The following PSD3 variants were observed in gnomAD, a reference collection of about 807,000 sequenced individuals.
PSD3 encodes the protein PH and SEC7 domain-containing protein 3.
A neutral mutation model predicts 105.5 loss-of-function variants in PSD3; 49 were observed. The observed-to-expected ratio is 0.46, with a 90% CI of 0.37 to 0.59. The LOEUF (loss-of-function observed/expected upper bound fraction) is 0.59. Ranked by LOEUF, PSD3 falls within the 20% of genes least tolerant of loss-of-function variation. PSD3 has a pLI of 0.00. For missense variants in PSD3, 1,561 were observed against 1,263.8 expected (o/e 1.24, Z -3.57); for synonymous variants, 557 against 457.8 (o/e 1.22, Z -2.77).
rs1282481663 is a variant in PSD3, at chr8:18,913,082, CACAA to C, written c.130+22948_130+22951del. Among the ~76,000 whole-genome samples the C allele has an allele frequency of 4.7e-3, 564 of 120,012 alleles. 1 individual carries two copies. Among genetic ancestry groups the C allele is most frequent in the African/African-American group, 0.017 (517 of 31,200 alleles). 78.7% of individuals were successfully genotyped at this position (120,012 alleles called of 152,430 possible). Reference sequence around the variant, plus strand: ...ACAACTTTATAAACACACACACACACACAAACACACACACACACACACACACACA... The same window carrying C: ...ACAACTTTATAAACACACACACACACACACACACACACACACACACACACA... On this transcript the variant is annotated intron_variant, in intron 2 of 15. Coordinates refer to ENST00000327040, the MANE Select transcript of PSD3 (RefSeq NM_015310.4).
intron 2 of PSD3, among the ~76,000 whole-genome samples, chr8:18,932,190 A>G (rs76782702): frequency 0.018 from 2,728 of 152,302 alleles, 36 homozygotes; most frequent in Admixed American, 0.022. Flanking sequence ...AGAAGTTACT[A>G]CCATTTTCCC....
intron 12 of PSD3, among the ~76,000 whole-genome samples, chr8:18,596,951 A>T (rs1488903246): frequency 6.6e-6 from 1 of 152,144 alleles, no homozygotes; most frequent in Non-Finnish European, 1.5e-5. Context: ...AGAGGAGGGA[A>T]CACTTCCAAA....
At chr8:19,019,067 T>A (rs566848461) in intron 1 of PSD3, among the ~76,000 whole-genome samples, 24 of 152,184 alleles carry the variant, frequency 1.6e-4, no homozygotes, top group Non-Finnish European at 2.8e-4. Context: ...AAGGCTGGGA[T>A]TACAAGCGTG....
chr8:18,963,830 T>A (rs1045540769), intron 1 of PSD3, among the ~76,000 whole-genome samples: 12 of 151,898 alleles, frequency 7.9e-5, no homozygotes, highest in Middle Eastern at 3.2e-3. Flanking sequence ...TTGAAAAGAG[T>A]GAGAGGTATA....
In PSD3 at chr8:18,665,964, C is replaced by A. The variant is rs566522296; in HGVS notation, c.2173-10279G>T. On this transcript the variant is annotated intron_variant, in intron 9 of 15. Transcript: ENST00000327040. ...ACCACCCTGATTAGTCAGCAGCCAT[C>A]AACATCAAGGTGAGACCCTCCATAA... is the stretch of plus-strand genomic sequence containing the variant. Among the ~76,000 whole-genome samples the A allele has an allele frequency of 4.6e-4, 70 of 152,352 alleles. 1 individual carries two copies. Among genetic ancestry groups the A allele is most frequent in the Non-Finnish European group, 7.5e-4 (51 of 68,036 alleles).
intron 1 of PSD3, among the ~76,000 whole-genome samples, chr8:19,043,897 G>A (rs1001197349): frequency 2.0e-5 from 3 of 152,224 alleles, no homozygotes; most frequent in African/African-American, 7.2e-5. Flanking sequence ...AATAGACTAA[G>A]ACAGGCTTTA....
At chr8:19,073,486 G>A (rs1348576177) in intron 1 of PSD3, among the ~76,000 whole-genome samples, 1 of 147,272 alleles carries the variant, frequency 6.8e-6, no homozygotes, top group Non-Finnish European at 1.5e-5. Context: ...AGGAGGTGGA[G>A]GTTGCAGTGA....
chr8:18,849,991 T>G (rs994739532), intron 4 of PSD3, among the ~76,000 whole-genome samples: 4 of 152,242 alleles, frequency 2.6e-5, no homozygotes, highest in Non-Finnish European at 5.9e-5. Context: ...TTGTTTATCT[T>G]TTCAGCAGCA....
intron 9 of PSD3, among the ~76,000 whole-genome samples, chr8:18,736,082 C>A (rs1035237684): frequency 1.3e-5 from 2 of 152,176 alleles, no homozygotes; most frequent in African/African-American, 4.8e-5. Flanking sequence ...AGAATTCCAA[C>A]AAACTTGAGC....
intron 2 of PSD3, among the ~76,000 whole-genome samples, chr8:18,910,637 TA>T (rs34392783): frequency 0.4 from 40,226 of 99,550 alleles, 4,516 homozygotes; most frequent in African/African-American, 0.46. Context: ...TAGAGTATAA[TA>T]AAAAAAAAAA....
intron 1 of PSD3, among the ~76,000 whole-genome samples, chr8:19,001,449 G>C (rs1422992394): frequency 6.6e-6 from 1 of 151,596 alleles, no homozygotes; most frequent in Non-Finnish European, 1.5e-5. Context: ...CGGTACATTT[G>C]TTGCAGTCAA....
chr8:18,629,824 T>A (rs891209219), intron 11 of PSD3, among the ~76,000 whole-genome samples: 1 of 152,134 alleles, frequency 6.6e-6, no homozygotes, highest in East Asian at 1.9e-4. Context: ...ACTCAAACTA[T>A]ATACTCTAAA....
intron 9 of PSD3, among the ~76,000 whole-genome samples, chr8:18,735,363 C>T (rs187845083): frequency 2.0e-5 from 3 of 152,238 alleles, no homozygotes; most frequent in African/African-American, 7.2e-5. Context: ...CTTCAATTAT[C>T]AGAATGGTCA....
intron 9 of PSD3, among the ~76,000 whole-genome samples, chr8:18,750,224 A>C (rs984849946): frequency 6.6e-6 from 1 of 152,200 alleles, no homozygotes; most frequent in Admixed American, 6.5e-5. Flanking sequence ...TTCAAGAATG[A>C]AGCCGCGGAC....
intron 12 of PSD3, among the ~76,000 whole-genome samples, chr8:18,578,944 G>A (rs1252933185): frequency 6.6e-6 from 1 of 151,994 alleles, no homozygotes; most frequent in African/African-American, 2.4e-5. Context: ...ATTTAATTAG[G>A]GCTAAACTGA....
rs17595818 is a variant in PSD3 at position 18,528,343 on chromosome 8, G to A, written c.*7400C>T. 8.9e-3 allele frequency: 1,362 copies of A among 152,338 alleles called. 17 individuals are homozygous for A. Among genetic ancestry groups the A allele is most frequent in the South Asian group, 0.063 (303 of 4,826 alleles). 9.4% of individuals were successfully genotyped at this position (152,338 alleles called of 1,614,324 possible). On this transcript the variant is annotated 3_prime_UTR_variant, in exon 16 of 16. Coordinates refer to ENST00000327040, the MANE Select transcript of PSD3 (RefSeq NM_015310.4). Reference sequence around the variant, plus strand: ...CAAAGATATCGTCCGTCCGTAGTTAGAACTCAGGGTGCCAGTTTGTTTTTT... The same window carrying A: ...CAAAGATATCGTCCGTCCGTAGTTAAAACTCAGGGTGCCAGTTTGTTTTTT...
chr8:18,643,791 A>C (rs1243543306), intron 10 of PSD3, among the ~76,000 whole-genome samples: 5 of 152,244 alleles, frequency 3.3e-5, no homozygotes, highest in Non-Finnish European at 5.9e-5. Context: ...CTGTCATGGA[A>C]TATCCCACAT....
chr8:18,974,032 A>G lies in PSD3; in HGVS notation c.22-37890T>C, dbSNP rs566982048. Among the ~76,000 whole-genome samples the G allele has an allele frequency of 2.8e-4, 42 of 152,358 alleles. No homozygotes were observed. The South Asian group carries it at 8.5e-3, about 31-fold the overall frequency. On this transcript the variant is annotated intron_variant, in intron 1 of 15. Coordinates refer to ENST00000327040, the MANE Select transcript of PSD3 (RefSeq NM_015310.4). Reference sequence around the variant, plus strand: ...CACCCAATCTAGCTTTTAACCATTGAGTAGCCTACAATACAAATGATAAAA... The same window carrying G: ...CACCCAATCTAGCTTTTAACCATTGGGTAGCCTACAATACAAATGATAAAA...
chr8:18,835,875 G>A (rs975163523), intron 4 of PSD3, among the ~76,000 whole-genome samples: 1 of 152,238 alleles, frequency 6.6e-6, no homozygotes, highest in Non-Finnish European at 1.5e-5. Flanking sequence ...TGTATGCGGT[G>A]TAGATGGGGG....
Sources: allele counts gnomAD v4.1 joint callset (sites outside exome capture counted in the v4.1 genomes callset), GRCh38; gene constraint gnomAD v4.1.1; transcripts MANE v1.5; gene names NCBI Gene and HGNC (gene_info 2026-07-23, HGNC 2026-07-21).